Variants in JAKMIP2 observed in about 807,000 individuals in gnomAD.
The protein encoded by JAKMIP2 is janus kinase and microtubule-interacting protein 2.
In JAKMIP2, 25 loss-of-function variants were observed where a neutral mutation model predicts 115.0. That is an observed-to-expected ratio of 0.22 (90% CI 0.16 to 0.30). The LOEUF is 0.30. Ranked by LOEUF, JAKMIP2 falls within the 10% of genes least tolerant of loss-of-function variation. The pLI is 1.00. For synonymous variants in JAKMIP2, 334 were observed against 343.6 expected (o/e 0.97, Z 0.31); for missense variants, 642 against 957.6 (o/e 0.67, Z 4.35).
chr5:147,650,206 A>G (rs1386993522), intron 4 of JAKMIP2, 132 bp downstream of exon 4: 2 of 649,030 alleles, frequency 3.1e-6, no homozygotes, highest in Non-Finnish European at 5.5e-6. Context: ...TCAAGATACT[A>G]GCTGATTTTA....
At chr5:147,643,411 T>A (rs770629707) in intron 7 of JAKMIP2, among the ~76,000 whole-genome samples, 1 of 152,048 alleles carries the variant, frequency 6.6e-6, no homozygotes, top group South Asian at 2.1e-4. Flanking sequence ...CAACCAACGA[T>A]GTCATTCACA....
chr5:147,751,026 C>T (rs1754531911), intron 1 of JAKMIP2, among the ~76,000 whole-genome samples: 1 of 152,128 alleles, frequency 6.6e-6, no homozygotes, highest in Admixed American at 6.5e-5. Context: ...CTTTCCCATC[C>T]ACCTATACAA....
intron 1 of JAKMIP2, among the ~76,000 whole-genome samples, chr5:147,738,584 A>C (rs544367239): frequency 6.6e-6 from 1 of 152,336 alleles, no homozygotes; most frequent in Admixed American, 6.5e-5. Flanking sequence ...CTGCAATTGC[A>C]GATAATAAGA....
intron 4 of JAKMIP2, among the ~76,000 whole-genome samples, chr5:147,649,978 C>A (rs925566738): frequency 1.3e-5 from 2 of 152,150 alleles, no homozygotes; most frequent in African/African-American, 2.4e-5. Context: ...CCATCTTTAT[C>A]AATTTCCAAC....
chr5:147,650,617 AG>A lies in JAKMIP2; in HGVS notation c.628-71del, dbSNP rs577693992. 4.2e-4 allele frequency: 503 copies of A among 1,186,512 alleles called. 5 individuals are homozygous for A. In the African/African-American group the frequency reaches 6.7e-3, roughly 16 times the overall value. 73.5% of individuals were successfully genotyped at this position (1,186,512 alleles called of 1,614,324 possible). ...AAGAAATACATTTTTACAATGGTGT[AG>A]GTTTAACTTCTTTTATCTGATTGAT... On this transcript the variant is annotated intron_variant, in intron 3 of 21. Coordinates refer to ENST00000616793, the MANE Select transcript of JAKMIP2 (RefSeq NM_001270941.2).
chr5:147,642,875 G>T (rs1757944805), intron 7 of JAKMIP2, among the ~76,000 whole-genome samples: 1 of 152,104 alleles, frequency 6.6e-6, no homozygotes, highest in South Asian at 2.1e-4. Context: ...CCTCAATCTG[G>T]GTGAGCACAA....
At chr5:147,741,133 G>A (rs909553404) in intron 1 of JAKMIP2, among the ~76,000 whole-genome samples, 19 of 151,962 alleles carry the variant, frequency 1.3e-4, no homozygotes, top group African/African-American at 1.7e-4. Flanking sequence ...ATATAAGCTC[G>A]CTAAGGTAAA....
At chr5:147,702,650 A>AAGAAAGAAAGAAAGAGAG (rs1561547616) in intron 1 of JAKMIP2, among the ~76,000 whole-genome samples, 1 of 111,996 alleles carries the variant, frequency 8.9e-6, no homozygotes, top group East Asian at 2.8e-4. Flanking sequence ...GAAAGAAAGA[A>AAGAAAGAAAGAAAGAGAG]AGAAAGAAAG....
chr5:147,721,661 G>A (rs971221093), intron 1 of JAKMIP2, among the ~76,000 whole-genome samples: 35 of 152,188 alleles, frequency 2.3e-4, no homozygotes, highest in Non-Finnish European at 4.3e-4. Flanking sequence ...GGAACTCCCT[G>A]ACCCCTTGCG....
intron 21 of JAKMIP2, among the ~76,000 whole-genome samples, chr5:147,600,544 A>G (rs901673933): frequency 6.6e-6 from 1 of 152,180 alleles, no homozygotes; most frequent in Admixed American, 6.5e-5. Flanking sequence ...TTAATAGGAT[A>G]ATCAGAGTTG....
At chr5:147,724,511 A>G (rs1453260440) in intron 1 of JAKMIP2, among the ~76,000 whole-genome samples, 1 of 152,210 alleles carries the variant, frequency 6.6e-6, no homozygotes, top group Non-Finnish European at 1.5e-5. Context: ...CCTTATAGGT[A>G]TTGTCCCTAA....
chr5:147,684,406 T>C (rs907586517), intron 1 of JAKMIP2, among the ~76,000 whole-genome samples: 3 of 151,908 alleles, frequency 2.0e-5, no homozygotes, highest in African/African-American at 7.3e-5. Context: ...GTGTCTAATA[T>C]AATATTGGGC....
chr5:147,767,582 G>A (rs545781674), intron 1 of JAKMIP2, among the ~76,000 whole-genome samples: 1 of 152,178 alleles, frequency 6.6e-6, no homozygotes, highest in Non-Finnish European at 1.5e-5. Context: ...TAAGTACTCA[G>A]TGACCTTTTT....
At chr5:147,764,932 G>GAAAGAAA (rs1212179194) in intron 1 of JAKMIP2, among the ~76,000 whole-genome samples, 2 of 77,628 alleles carry the variant, frequency 2.6e-5, no homozygotes, top group Admixed American at 3.0e-4. Context: ...GAGAGAGAGA[G>GAAAGAAA]AGAGAGAGAG....
chr5:147,626,101 T>C (rs1757080646), intron 16 of JAKMIP2, among the ~76,000 whole-genome samples: 2 of 152,212 alleles, frequency 1.3e-5, no homozygotes, highest in South Asian at 4.1e-4. Flanking sequence ...AAATTGGTAG[T>C]CTCAAGACAT....
intron 18 of JAKMIP2, among the ~76,000 whole-genome samples, chr5:147,618,437 C>T (rs189768508): frequency 1.5e-3 from 229 of 149,494 alleles, no homozygotes; most frequent in African/African-American, 5.5e-3. Flanking sequence ...TGTGTTCTCA[C>T]TTCTACTTGA....
At chr5:147,717,596 C>T (rs1429417596) in intron 1 of JAKMIP2, among the ~76,000 whole-genome samples, 1 of 146,978 alleles carries the variant, frequency 6.8e-6, no homozygotes, top group Non-Finnish European at 1.5e-5. Context: ...GTATTTTATT[C>T]TCTTTGAAGC....
Position 147,645,001 on chromosome 5 carries a change from G to C in JAKMIP2, c.937-5C>G. 6.2e-7 allele frequency: 1 copy of C among 1,611,476 alleles called. No homozygotes were observed. Among genetic ancestry groups the C allele is most frequent in the Non-Finnish European group, 8.5e-7 (1 of 1,179,572 alleles). On this transcript the variant is annotated splice_region_variant and splice_polypyrimidine_tract_variant and intron_variant, in intron 5 of 21. Coordinates refer to ENST00000616793, the MANE Select transcript of JAKMIP2 (RefSeq NM_001270941.2). ...GGTTTCCCGCACACGTTTTAACTGG[G>C]AAGAAATAAGTGAAGATTTGTGTCT...
chr5:147,740,242 G>A (rs1368479273), intron 1 of JAKMIP2, among the ~76,000 whole-genome samples: 1 of 152,202 alleles, frequency 6.6e-6, no homozygotes, highest in Non-Finnish European at 1.5e-5. Flanking sequence ...GGGAATGTAG[G>A]CAGCAATAAG....
Sources: gnomAD v4.1 joint callset for allele counts (sites outside exome capture counted in the v4.1 genomes callset) on GRCh38, gnomAD v4.1.1 for gene constraint, MANE v1.5 for transcripts, NCBI Gene and HGNC (gene_info 2026-07-23, HGNC 2026-07-21) for gene names.